COL4A4: variants seen among roughly 807,000 people sequenced by gnomAD.
The protein encoded by COL4A4 is collagen alpha-4(IV) chain.
In COL4A4, 105 loss-of-function variants were observed where a neutral mutation model predicts 192.9. That is an observed-to-expected ratio of 0.54 (90% CI 0.46 to 0.64). The LOEUF is 0.64. COL4A4 is among the 30% of genes least tolerant of loss of function. COL4A4 has a pLI of 0.00. For missense variants in COL4A4, 1,967 were observed against 2,169.3 expected (o/e 0.91, Z 1.85); for synonymous variants, 762 against 769.9 (o/e 0.99, Z 0.17).
chr2:227,109,365 T>C, intron 9 of COL4A4, 79 bp from the exon 10 acceptor site: 1 of 1,191,924 alleles, frequency 8.4e-7, no homozygotes, highest in Non-Finnish European at 1.3e-6. Flanking sequence ...TGTGATCCCA[T>C]GTGGATAAAA....
At chr2:227,129,286 C>T (rs1210157633) in intron 4 of COL4A4, among the ~76,000 whole-genome samples, 1 of 152,110 alleles carries the variant, frequency 6.6e-6, no homozygotes, top group Admixed American at 6.5e-5. Context: ...ATTTCACTCC[C>T]CTCCAAACTA....
At chr2:227,077,094 A>T (rs529070150) in intron 25 of COL4A4, among the ~76,000 whole-genome samples, 9 of 152,286 alleles carry the variant, frequency 5.9e-5, no homozygotes, top group African/African-American at 2.2e-4. Flanking sequence ...TTCCTCAAGG[A>T]TCTAGAATCA....
the COL4A4 span, among the ~76,000 whole-genome samples, chr2:226,969,862 A>C: frequency 2.0e-5 from 3 of 152,144 alleles, no homozygotes; most frequent in African/African-American, 7.2e-5. Flanking sequence ...TTTTATTTAA[A>C]CACACTGTAT....
rs1559488263 is a variant in COL4A4 at position 227,045,858 on chromosome 2, A to AG, written c.3289+1616_3289+1617insC. Among the ~76,000 whole-genome samples the AG allele has an allele frequency of 5.2e-5, 4 of 76,866 alleles. No individual in the cohort carries two copies. The East Asian group carries it at 9.5e-4, about 18-fold the overall frequency. 50.4% of individuals were successfully genotyped at this position (76,866 alleles called of 152,430 possible). On this transcript the variant is annotated intron_variant, in intron 35 of 47. Coordinates refer to ENST00000396625, the MANE Select transcript of COL4A4 (RefSeq NM_000092.5). ...CACACATATATATATACACATATAT[A>AG]TATACACATATATATACATATATAT...
chr2:227,008,158 C>G lies in COL4A4; in HGVS notation c.4669G>C (p.Glu1557Gln). 1 of 1,614,110 alleles carries G rather than the reference C, an allele frequency of 6.2e-7. No homozygotes were observed. The highest frequency in any genetic ancestry group is 8.5e-7 in the Non-Finnish European group (1 of 1,179,926). The change falls in exon 47 of 48, where the codon GAG becomes CAG. Residue 1557 changes from glutamate (E) to glutamine (Q), a missense_variant. Glu to Gln is a conservative substitution (Grantham distance 29). Coordinates refer to ENST00000396625, the MANE Select transcript of COL4A4 (RefSeq NM_000092.5). ...APLPMMPLSE[E>Q]AIRPYVSRCA... ...CGGCTGACATAGGGGCGGATCGCCT[C>G]TTCAGAGAGTGGCATCATGGGGAGG...
chr2:227,010,023 TGAGG>T (rs1265439331), intron 46 of COL4A4, among the ~76,000 whole-genome samples: 5 of 152,178 alleles, frequency 3.3e-5, no homozygotes, highest in African/African-American at 4.8e-5. Flanking sequence ...TTTAACTTAC[TGAGG>T]AAGAATCATT....
At chr2:227,031,073 A>ATGGATGGATGGATGGATGGATG (rs1559452539) in intron 40 of COL4A4, among the ~76,000 whole-genome samples, 6 of 56,028 alleles carry the variant, frequency 1.1e-4, no homozygotes, top group African/African-American at 5.8e-4. Context: ...ATGGATGGAT[A>ATGGATGGATGGATGGATGGATG]GACTGATGGA....
chr2:227,095,777 G>A (rs1362100252), intron 19 of COL4A4, among the ~76,000 whole-genome samples: 1 of 152,156 alleles, frequency 6.6e-6, no homozygotes. Context: ...TGCCTGTAAT[G>A]CCAGCTATTT....
intron 8 of COL4A4, among the ~76,000 whole-genome samples, chr2:227,113,139 T>C (rs1315539617): frequency 2.0e-5 from 3 of 152,248 alleles, no homozygotes; most frequent in African/African-American, 7.2e-5. Context: ...ATTACCATAT[T>C]ATTTTCCACA....
In COL4A4 at chr2:227,072,857, C is replaced by CA. The variant is rs370271326; in HGVS notation, c.1987+5036dup. On this transcript the variant is annotated intron_variant, in intron 25 of 47. Transcript: ENST00000396625. ...GACAAAATCCAGCATTCCTTTATGA[C>CA]AAAAAATCTCAACAAACAAGGCATA... 4.4e-3 allele frequency among the ~76,000 whole-genome samples: 661 copies of CA among 151,790 alleles called. 7 individuals carry two copies. The highest frequency in any genetic ancestry group is 0.017 in the Middle Eastern group (5 of 294).
rs1961977616 is a variant in COL4A4, at chr2:227,005,871, C to G, written c.*1454G>C. The stretch of plus-strand genomic sequence containing the variant: ...TGAGTTTCCTAAAAATTTTTTCCAA[C>G]AAATCTTTTAAATTTAGGATTAGAT... On this transcript the variant is annotated 3_prime_UTR_variant, in exon 48 of 48. Transcript: ENST00000396625. 6.6e-6 allele frequency: 1 copy of G among 152,078 alleles called. No individual in the cohort carries two copies. The highest frequency in any genetic ancestry group is 2.4e-5 in the African/African-American group (1 of 41,420). 9.4% of individuals were successfully genotyped at this position (152,078 alleles called of 1,614,324 possible).
At chr2:227,130,812 T>C (rs372089164) in intron 4 of COL4A4, among the ~76,000 whole-genome samples, 3 of 152,180 alleles carry the variant, frequency 2.0e-5, no homozygotes, top group African/African-American at 7.2e-5. Flanking sequence ...CACAGCAGCT[T>C]ACACCTCTCC....
chr2:227,054,520 T>C, intron 31 of COL4A4, 74 bp downstream of exon 31: 1 of 1,539,502 alleles, frequency 6.5e-7, no homozygotes, highest in Non-Finnish European at 9.0e-7. Flanking sequence ...TATTTTATTT[T>C]TCAGAGATCA....
chr2:227,081,450 CTT>C (rs2150516059), intron 23 of COL4A4, among the ~76,000 whole-genome samples: 1 of 152,282 alleles, frequency 6.6e-6, no homozygotes, highest in East Asian at 1.9e-4. Context: ...TGCCAGGGCT[CTT>C]GTGCCTTCAG....
chr2:227,018,200 C>A (rs1189344465), intron 44 of COL4A4, among the ~76,000 whole-genome samples: 1 of 152,190 alleles, frequency 6.6e-6, no homozygotes, highest in Non-Finnish European at 1.5e-5. Context: ...GAATTAACCT[C>A]TCCCAGTACC....
chr2:227,085,407 C>T (rs2059548558), intron 22 of COL4A4, among the ~76,000 whole-genome samples: 2 of 152,178 alleles, frequency 1.3e-5, no homozygotes, highest in African/African-American at 4.8e-5. Flanking sequence ...CATGAGGACA[C>T]AACCAAACAT....
the COL4A4 span, among the ~76,000 whole-genome samples, chr2:226,985,378 C>G: frequency 2.0e-5 from 3 of 152,206 alleles, no homozygotes; most frequent in Admixed American, 1.3e-4. Flanking sequence ...ATAAACAACT[C>G]CATAATATTC....
At chr2:226,974,225 T>TTTTTATTTTATTTTA in the COL4A4 span, among the ~76,000 whole-genome samples, 1,991 of 148,240 alleles carry the variant, frequency 0.013, 24 homozygotes, top group African/African-American at 0.02. Flanking sequence ...TGTTGCCCTT[T>TTTTTATTTTATTTTA]TTTTATTTTA....
intron 35 of COL4A4, among the ~76,000 whole-genome samples, chr2:227,044,590 C>T (rs977247673): frequency 6.0e-5 from 9 of 150,438 alleles, no homozygotes; most frequent in African/African-American, 2.2e-4. Flanking sequence ...GCATTATTCT[C>T]ATCTACAAAT....
Sources: gnomAD v4.1 joint callset for allele counts (sites outside exome capture counted in the v4.1 genomes callset) on GRCh38, gnomAD v4.1.1 for gene constraint, MANE v1.5 for transcripts, NCBI Gene and HGNC (gene_info 2026-07-23, HGNC 2026-07-21) for gene names.